The following NEGR1 variants were observed in gnomAD, a reference collection of about 807,000 sequenced individuals.
NEGR1 encodes neuronal growth regulator 1, also known as IgLON family member 4.
In NEGR1, 10 loss-of-function variants were observed where a neutral mutation model predicts 40.9. The ratio of observed to expected loss-of-function variants is 0.24; its 90% CI spans 0.15 to 0.42. NEGR1 has a LOEUF of 0.42. Among genes scored for constraint, NEGR1 ranks in the 10% least tolerant of loss-of-function variants. The probability of loss-of-function intolerance (pLI) is 1.00; values close to 1 mark genes in which losing one functional copy is unlikely to be tolerated. For missense variants in NEGR1, 352 were observed against 438.9 expected (o/e 0.80, Z 1.77); for synonymous variants, 185 against 166.8 (o/e 1.11, Z -0.84).
At chr1:71,825,220 T>C (rs1457716974) in intron 2 of NEGR1, among the ~76,000 whole-genome samples, 1 of 151,982 alleles carries the variant, frequency 6.6e-6, no homozygotes, top group Admixed American at 6.6e-5. Flanking sequence ...GGTTTCAATT[T>C]GCATTTTCTA....
At chr1:71,499,742 G>A (rs981037311) in intron 6 of NEGR1, among the ~76,000 whole-genome samples, 1 of 151,854 alleles carries the variant, frequency 6.6e-6, no homozygotes, top group Non-Finnish European at 1.5e-5. Flanking sequence ...GACTAGGCAG[G>A]TAGAATGAAA....
chr1:71,852,354 T>A (rs1029789486), intron 2 of NEGR1, among the ~76,000 whole-genome samples: 2 of 152,138 alleles, frequency 1.3e-5, no homozygotes, highest in Non-Finnish European at 2.9e-5. Flanking sequence ...AATATTTTGT[T>A]TGGCCACACA....
chr1:71,589,748 A>G (rs1649436509), intron 6 of NEGR1, among the ~76,000 whole-genome samples: 1 of 126,186 alleles, frequency 7.9e-6, no homozygotes, highest in Admixed American at 9.0e-5. Flanking sequence ...TATTATTGCT[A>G]TTTTGCCTTT....
chr1:71,588,265 A>G (rs1443305276), intron 6 of NEGR1, among the ~76,000 whole-genome samples: 1 of 152,100 alleles, frequency 6.6e-6, no homozygotes, highest in African/African-American at 2.4e-5. Flanking sequence ...ATAACAATAA[A>G]ATAACAAATA....
Position 72,079,086 on chromosome 1 carries a change from A to AATATATAT in NEGR1, c.177-143783_177-143776dup, listed in dbSNP as rs67575298. On this transcript the variant is annotated intron_variant, in intron 1 of 6. Transcript: ENST00000357731. ...ATATGTCAATGGTTACATTTAACAG[A>AATATATAT]ATATATATATATATATATATATATA... Among the ~76,000 whole-genome samples the AATATATAT allele has an allele frequency of 7.1e-3, 1,004 of 142,362 alleles. 12 individuals carry two copies. Among genetic ancestry groups the AATATATAT allele is most frequent in the African/African-American group, 0.02 (800 of 39,400 alleles). 93.4% of individuals were successfully genotyped at this position (142,362 alleles called of 152,430 possible).
chr1:71,747,896 GA>G (rs1570291389), intron 3 of NEGR1, among the ~76,000 whole-genome samples: 1 of 150,758 alleles, frequency 6.6e-6, no homozygotes, highest in African/African-American at 2.4e-5. Context: ...AAGTTTTAGG[GA>G]AAAAAATAGA....
At chr1:71,684,938 A>C (rs893060005) in intron 4 of NEGR1, among the ~76,000 whole-genome samples, 2 of 152,208 alleles carry the variant, frequency 1.3e-5, no homozygotes, top group African/African-American at 4.8e-5. Flanking sequence ...ATTTATTTTG[A>C]ATTGCTTCAA....
chr1:71,771,463 G>A (rs530913451), intron 3 of NEGR1, among the ~76,000 whole-genome samples: 9 of 151,994 alleles, frequency 5.9e-5, no homozygotes, highest in African/African-American at 2.2e-4. Flanking sequence ...AAAAATGGAA[G>A]GCCGAGGCAC....
chr1:71,925,627 A>G (rs181420141), intron 2 of NEGR1, among the ~76,000 whole-genome samples: 70 of 152,296 alleles, frequency 4.6e-4, no homozygotes, highest in African/African-American at 1.7e-3. Context: ...TTTGCTTTAC[A>G]TAATGGTTAC....
chr1:71,399,096 A>G lies in NEGR1; in HGVS notation c.*8350T>C, dbSNP rs1188133151. 1 of 152,162 alleles carries G rather than the reference A, an allele frequency of 6.6e-6. No homozygotes were observed. The allele number at this position is 152,162 out of a possible 1,614,324, so 9.4% of individuals were successfully genotyped here. A position where few individuals can be genotyped will look rare whatever the true frequency, so the allele number is the denominator to read the frequency against. On this transcript the variant is annotated 3_prime_UTR_variant, in exon 7 of 7. Coordinates refer to ENST00000357731, the MANE Select transcript of NEGR1 (RefSeq NM_173808.3). ...TGTGAAAACTGACTAATATACCACT[A>G]TACAAGTTCTTACATTACCTGATGA...
At chr1:71,954,479 AT>A (rs1471298837) in intron 1 of NEGR1, among the ~76,000 whole-genome samples, 1 of 152,004 alleles carries the variant, frequency 6.6e-6, no homozygotes, top group African/African-American at 2.4e-5. Flanking sequence ...ATACTATGGA[AT>A]TTAAATTATC....
intron 1 of NEGR1, among the ~76,000 whole-genome samples, chr1:72,012,840 T>TGC (rs1250113312): frequency 7.8e-6 from 1 of 128,898 alleles, no homozygotes; most frequent in African/African-American, 2.7e-5. Context: ...CATATATACA[T>TGC]ACATATATAT....
At chr1:72,237,527 T>G (rs1375637717) in intron 1 of NEGR1, among the ~76,000 whole-genome samples, 1 of 151,906 alleles carries the variant, frequency 6.6e-6, no homozygotes, top group African/African-American at 2.4e-5. Flanking sequence ...CCTTCAGGCT[T>G]AAGATTTCAA....
intron 3 of NEGR1, among the ~76,000 whole-genome samples, chr1:71,739,757 A>G (rs1244442633): frequency 6.6e-6 from 1 of 152,194 alleles, no homozygotes; most frequent in African/African-American, 2.4e-5. Flanking sequence ...CACTGCCTTC[A>G]TGAAGTCTGT....
At position 72,052,706 on chromosome 1, in the gene NEGR1, T is replaced by C. The variant is rs1474707268; in HGVS notation, c.177-117395A>G. Among the ~76,000 whole-genome samples, 3 of 151,580 alleles carry C rather than the reference T, an allele frequency of 2.0e-5. No homozygotes were observed. In the Admixed American group the frequency reaches 2.0e-4, roughly 10 times the overall value. ...CAAATTTGATTCTTGCTCTTTTTAC[T>C]TGTTTTTTGAATTGAGCTATTAACT... On this transcript the variant is annotated intron_variant, in intron 1 of 6. Transcript: ENST00000357731.
At chr1:72,212,994 G>A (rs1235153911) in intron 1 of NEGR1, among the ~76,000 whole-genome samples, 3 of 151,884 alleles carry the variant, frequency 2.0e-5, no homozygotes, top group African/African-American at 7.2e-5. Context: ...TACTCAGGAA[G>A]GTTATGGAGT....
intron 1 of NEGR1, among the ~76,000 whole-genome samples, chr1:72,059,894 G>T (rs1024052904): frequency 6.6e-6 from 1 of 151,394 alleles, no homozygotes; most frequent in Non-Finnish European, 1.5e-5. Flanking sequence ...GTAACATTTG[G>T]AAAACAAAGG....
At chr1:71,704,163 TCA>T (rs3077140) in intron 3 of NEGR1, among the ~76,000 whole-genome samples, 13,926 of 141,950 alleles carry the variant, frequency 0.098, 674 homozygotes, top group South Asian at 0.13. Flanking sequence ...TCTCTCTCTG[TCA>T]CACACACACA....
At chr1:71,912,161 G>T (rs186872454) in intron 2 of NEGR1, among the ~76,000 whole-genome samples, 7 of 152,232 alleles carry the variant, frequency 4.6e-5, no homozygotes, top group Non-Finnish European at 1.5e-5. Context: ...CCTACAGGGC[G>T]AAGACCAAGG....
Sources: allele counts gnomAD v4.1 joint callset (sites outside exome capture counted in the v4.1 genomes callset), GRCh38; gene constraint gnomAD v4.1.1; transcripts MANE v1.5; gene names NCBI Gene and HGNC (gene_info 2026-07-23, HGNC 2026-07-21).